SNCAIP: variants seen among roughly 807,000 people sequenced by gnomAD.
SNCAIP encodes synuclein alpha interacting protein, also known as synphilin-1.
Under a neutral mutation model 86.7 loss-of-function variants are expected in SNCAIP, and 43 were observed. That is an observed-to-expected ratio of 0.50 (90% CI 0.39 to 0.64). The LOEUF (loss-of-function observed/expected upper bound fraction) is 0.64. Ranked by LOEUF, SNCAIP falls within the 30% of genes least tolerant of loss-of-function variation. The pLI, the probability that SNCAIP is intolerant of heterozygous loss-of-function variation, is 0.00. For missense variants in SNCAIP, 981 were observed against 1,103.1 expected (o/e 0.89, Z 1.57); for synonymous variants, 417 against 427.2 (o/e 0.98, Z 0.29).
intron 3 of SNCAIP, among the ~76,000 whole-genome samples, chr5:122,406,656 C>T (rs763016135): frequency 6.6e-6 from 1 of 152,096 alleles, no homozygotes; most frequent in Non-Finnish European, 1.5e-5. Flanking sequence ...ACCTCTCCTA[C>T]TCTGTCTCTT....
chr5:122,450,639 C>T lies in SNCAIP; in HGVS notation c.1792C>T (p.Leu598Phe), dbSNP rs1419784611. ...AGGAGTCCAAGAGGGGATTCAGGTT[C>T]TTGGAAGCCTGTCAGCCTCCAGCCG... ...KPGVQEGIQV[L>F]GSLSASSRAR... Residue 598 changes from leucine (L) to phenylalanine (F), a missense_variant, in exon 10 of 11, where the codon CTT becomes TTT. Transcript: ENST00000261368. 1 of 1,613,878 alleles carries T rather than the reference C, an allele frequency of 6.2e-7. No individual in the cohort carries two copies. The highest frequency in any genetic ancestry group is 1.3e-5 in the African/African-American group (1 of 74,914).
At chr5:122,402,799 T>TC (rs1303889262) in intron 2 of SNCAIP, among the ~76,000 whole-genome samples, 1 of 152,042 alleles carries the variant, frequency 6.6e-6, no homozygotes, top group African/African-American at 2.4e-5. Flanking sequence ...TTTTTCTCAA[T>TC]CCCCCCAAAT....
At chr5:122,324,486 G>T (rs1753620769) in intron 1 of SNCAIP, among the ~76,000 whole-genome samples, 1 of 152,150 alleles carries the variant, frequency 6.6e-6, no homozygotes, top group Admixed American at 6.5e-5. Context: ...CACAGTGTCT[G>T]GTATGTATTG....
rs1260629117 is a variant in SNCAIP, at chr5:122,342,147, C to T, written c.-47+29863C>T. Among the ~76,000 whole-genome samples, 2 of 152,134 alleles carry T rather than the reference C, an allele frequency of 1.3e-5. 1 individual carries two copies. The highest frequency in any genetic ancestry group is 4.1e-4 in the South Asian group (2 of 4,826). ...TGGTTGCTAAGCATCAGCATTATTA[C>T]ACCCAAAATTGCAATTTTTTGGTTT... On this transcript the variant is annotated intron_variant, in intron 1 of 10. Coordinates refer to ENST00000261368, the MANE Select transcript of SNCAIP (RefSeq NM_005460.4).
At chr5:122,385,615 G>T (rs1031362240) in intron 1 of SNCAIP, among the ~76,000 whole-genome samples, 1 of 151,706 alleles carries the variant, frequency 6.6e-6, no homozygotes, top group Non-Finnish European at 1.5e-5. Flanking sequence ...CGATGTTCAG[G>T]CTTTCAAATT....
chr5:122,380,821 G>T (rs1273253940), intron 1 of SNCAIP, among the ~76,000 whole-genome samples: 7 of 152,132 alleles, frequency 4.6e-5, no homozygotes, highest in Admixed American at 4.6e-4. Flanking sequence ...TTAGGAGCAG[G>T]TTGTTCAGTT....
chr5:122,367,881 T>C lies in SNCAIP; in HGVS notation c.-46-23208T>C, dbSNP rs945610252. 5.3e-5 allele frequency among the ~76,000 whole-genome samples: 8 copies of C among 152,050 alleles called. No individual in the cohort carries two copies. The South Asian group carries it at 6.2e-4, about 12-fold the overall frequency. ...TGTGTGCATAAATTATATATATATATACATACAAACACACATATATAAATA... is the reference window on the plus strand; with the variant it reads ...TGTGTGCATAAATTATATATATATACACATACAAACACACATATATAAATA... On this transcript the variant is annotated intron_variant, in intron 1 of 10. Transcript: ENST00000261368.
Position 122,328,035 on chromosome 5 carries a change from C to T in SNCAIP, c.-47+15751C>T, listed in dbSNP as rs1006777252. Among the ~76,000 whole-genome samples, 6 of 152,090 alleles carry T rather than the reference C, an allele frequency of 3.9e-5. No individual in the cohort carries two copies. In the South Asian group the frequency reaches 1.2e-3, roughly 31 times the overall value. On this transcript the variant is annotated intron_variant, in intron 1 of 10. Transcript: ENST00000261368. ...GGGACAGTGTTGGGATTAGACAGAA[C>T]TTGGGAAACTAGATATAAGTATTTT...
At chr5:122,416,550 GTT>G (rs1222525955) in intron 3 of SNCAIP, among the ~76,000 whole-genome samples, 1 of 152,116 alleles carries the variant, frequency 6.6e-6, no homozygotes, top group Admixed American at 6.5e-5. Context: ...CAAATCCAGA[GTT>G]GACTCAGCCT....
At position 122,423,588 on chromosome 5, in the gene SNCAIP, A is replaced by G. The variant is rs562016150; in HGVS notation, c.851A>G (p.His284Arg). The G allele has an allele frequency of 3.1e-6, 5 of 1,614,018 alleles. No individual in the cohort carries two copies. In the African/African-American group the frequency reaches 4.0e-5, roughly 13 times the overall value. The change falls in exon 4 of 11, where the codon CAC becomes CGC. Residue 284 changes from histidine to arginine, a missense_variant. By Grantham distance (29) the His-to-Arg change is conservative. Coordinates refer to ENST00000261368, the MANE Select transcript of SNCAIP (RefSeq NM_005460.4). ...TTPDCQLRAF[H>R]LQSSAAESKP... The stretch of plus-strand genomic sequence containing the variant: ...CCAGACTGCCAGCTCAGGGCCTTCC[A>G]CCTACAATCCTCAGCAGCAGAATCC...
intron 5 of SNCAIP, among the ~76,000 whole-genome samples, chr5:122,430,964 A>T (rs1581204371): frequency 6.6e-6 from 1 of 152,148 alleles, no homozygotes; most frequent in East Asian, 1.9e-4. Context: ...ACTAATTAAG[A>T]TATTTACCTC....
chr5:122,435,098 G>T (rs1218849020), intron 6 of SNCAIP, among the ~76,000 whole-genome samples: 3 of 152,132 alleles, frequency 2.0e-5, no homozygotes, highest in Non-Finnish European at 2.9e-5. Context: ...CTCCTGAAGT[G>T]ATAGATCCCT....
intron 6 of SNCAIP, among the ~76,000 whole-genome samples, chr5:122,434,087 T>C (rs1233110851): frequency 3.3e-5 from 5 of 152,204 alleles, no homozygotes; most frequent in Non-Finnish European, 7.4e-5. Context: ...AAGAAGAGAA[T>C]AGGATTTTCA....
At chr5:122,371,234 G>C (rs1490600643) in intron 1 of SNCAIP, 3 of 151,410 alleles carry the variant, frequency 2.0e-5, no homozygotes, top group Non-Finnish European at 4.4e-5. Context: ...TTGAGCCCAG[G>C]AATTCAAGGT....
chr5:122,337,286 G>T (rs1756681084), intron 1 of SNCAIP, among the ~76,000 whole-genome samples: 1 of 152,108 alleles, frequency 6.6e-6, no homozygotes, highest in South Asian at 2.1e-4. Flanking sequence ...GATTTGAGTG[G>T]CCATTAGGAA....
At chr5:122,363,150 C>G (rs1385136000) in intron 1 of SNCAIP, among the ~76,000 whole-genome samples, 2 of 152,196 alleles carry the variant, frequency 1.3e-5, no homozygotes, top group Non-Finnish European at 2.9e-5. Context: ...GCATGCGCCA[C>G]CATGCCTGGC....
At chr5:122,396,919 T>C (rs928012080) in intron 2 of SNCAIP, among the ~76,000 whole-genome samples, 2 of 152,204 alleles carry the variant, frequency 1.3e-5, no homozygotes, top group African/African-American at 4.8e-5. Flanking sequence ...TTTGCTTGTA[T>C]AATTATGATT....
At chr5:122,328,827 C>T (rs1325994779) in intron 1 of SNCAIP, among the ~76,000 whole-genome samples, 4 of 152,178 alleles carry the variant, frequency 2.6e-5, no homozygotes, top group Non-Finnish European at 5.9e-5. Context: ...CTTCATGGGA[C>T]CCATGGCCAG....
chr5:122,370,555 T>A (rs1207964686), intron 1 of SNCAIP, among the ~76,000 whole-genome samples: 1 of 152,150 alleles, frequency 6.6e-6, no homozygotes, highest in African/African-American at 2.4e-5. Context: ...GCTAATTAAG[T>A]GCAGTCTTAT....
Sources: allele counts gnomAD v4.1 joint callset (sites outside exome capture counted in the v4.1 genomes callset), GRCh38; gene constraint gnomAD v4.1.1; transcripts MANE v1.5; gene names NCBI Gene and HGNC (gene_info 2026-07-23, HGNC 2026-07-21).